Variants in RPL28 observed in about 807,000 individuals in gnomAD.
RPL28 encodes the protein ribosomal protein L28, also known as large ribosomal subunit protein eL28.
Under a neutral mutation model 12.5 loss-of-function variants are expected in RPL28, and 4 were observed. The observed-to-expected ratio is 0.32, with a 90% CI of 0.16 to 0.73. RPL28 has a LOEUF of 0.73. Ranked by LOEUF, RPL28 falls within the 30% of genes least tolerant of loss-of-function variation. RPL28 has a pLI of 0.66. For synonymous variants in RPL28, 91 were observed against 72.5 expected (o/e 1.26, Z -1.30); for missense variants, 214 against 197.7 (o/e 1.08, Z -0.49).
At chr19:55,387,103 C>A in intron 3 of RPL28, 1 of 1,359,458 alleles carries the variant, frequency 7.4e-7, no homozygotes, top group Non-Finnish European at 9.9e-7. Flanking sequence ...TGGTTGCAGC[C>A]ATTTGATTCC....
chr19:55,386,847 C>G, intron 3 of RPL28, 154 bp downstream of exon 3: 2 of 1,562,808 alleles, frequency 1.3e-6, no homozygotes, highest in Non-Finnish European at 1.7e-6. Flanking sequence ...CCCTCTCGGC[C>G]GACTTGTCAG....
Position 55,391,403 on chromosome 19 carries a change from G to C in RPL28, c.*3071G>C. ...GGCAGGTGTCTCAGTGTTCACTGCT[G>C]TCTCTCCAGCTCTTAGTCCAGTAGC... On this transcript the variant is annotated 3_prime_UTR_variant, in exon 5 of 5. Coordinates refer to ENST00000344063, the MANE Select transcript of RPL28 (RefSeq NM_000991.5). The C allele has an allele frequency of 7.8e-7, 1 of 1,286,540 alleles. No homozygotes were observed. The highest frequency in any genetic ancestry group is 1.5e-5 in the African/African-American group (1 of 65,828). The allele number at this position is 1,286,540 out of a possible 1,614,324, so 79.7% of individuals were successfully genotyped here.
chr19:55,391,609 G>A lies in RPL28; in HGVS notation c.*3277G>A. 1 of 1,548,696 alleles carries A rather than the reference G, an allele frequency of 6.5e-7. No individual in the cohort carries two copies. The highest frequency in any genetic ancestry group is 8.7e-7 in the Non-Finnish European group (1 of 1,144,390). Reference sequence around the variant, plus strand: ...TGCTGCTCGGTGGCTGTGCAACCTTGGGCAAGTTCCTCAACCTCTCTGTGT... The same window carrying A: ...TGCTGCTCGGTGGCTGTGCAACCTTAGGCAAGTTCCTCAACCTCTCTGTGT... On this transcript the variant is annotated 3_prime_UTR_variant, in exon 5 of 5. Transcript: ENST00000344063.
chr19:55,387,453 C>T, intron 3 of RPL28: 1 of 1,500,552 alleles, frequency 6.7e-7, no homozygotes, highest in East Asian at 2.5e-5. Context: ...TCTGGGGAGT[C>T]CTGAAAGCTT....
At chr19:55,395,728 C>T (rs945538759), downstream of RPL28, among the ~76,000 whole-genome samples, 2 of 152,100 alleles carry the variant, frequency 1.3e-5, no homozygotes, top group Non-Finnish European at 2.9e-5. Context: ...CAGGCATGAG[C>T]CACCGCGCCC....
chr19:55,394,267 C>A (rs1031358248), downstream of RPL28, among the ~76,000 whole-genome samples: 1 of 151,528 alleles, frequency 6.6e-6, no homozygotes, highest in African/African-American at 2.4e-5. Context: ...GTCTCAAAAA[C>A]AAACAAACAA....
intron 1 of RPL28, 37 bp downstream of exon 1, chr19:55,386,002 G>C (rs1037297582): frequency 3.7e-6 from 1 of 266,880 alleles, no homozygotes; most frequent in Admixed American, 4.7e-5. Context: ...CGCCATCTCC[G>C]GCCCGCCGCG....
At chr19:55,387,024 A>G in intron 3 of RPL28, 2 of 1,441,276 alleles carry the variant, frequency 1.4e-6, no homozygotes, top group Non-Finnish European at 1.8e-6. Flanking sequence ...TTCATCCCAC[A>G]GGTGGGAAGA....
chr19:55,397,076 C>T (rs909921594), downstream of RPL28, among the ~76,000 whole-genome samples: 7 of 152,000 alleles, frequency 4.6e-5, no homozygotes, highest in African/African-American at 7.2e-5. Flanking sequence ...GACAGGGTTT[C>T]GCCATGTTGC....
At chr19:55,392,492 C>T (rs1192333261), downstream of RPL28, among the ~76,000 whole-genome samples, 2 of 151,754 alleles carry the variant, frequency 1.3e-5, no homozygotes, top group South Asian at 2.1e-4. Context: ...CTTCGTCCCC[C>T]AAAGTGTTGG....
Position 55,387,985 on chromosome 19 carries a change from C to T in RPL28, c.261C>T (p.Arg87=), listed in dbSNP as rs779599652. ...YVRTTINKNA[R]ATLSSIRHMI... Reference sequence around the variant, plus strand: ...GGACCACCATCAACAAGAATGCTCGCGCCACGCTCAGCAGCATCAGACACA... The same window carrying T: ...GGACCACCATCAACAAGAATGCTCGTGCCACGCTCAGCAGCATCAGACACA... The change falls in exon 4 of 5, where the codon CGC becomes CGT. Residue 87 remains arginine (R), a synonymous_variant. Coordinates refer to ENST00000344063, the MANE Select transcript of RPL28 (RefSeq NM_000991.5). 1.5e-5 allele frequency: 24 copies of T among 1,610,310 alleles called. No individual in the cohort carries two copies. In the East Asian group the frequency reaches 2.7e-4, roughly 18 times the overall value.
Position 55,390,818 on chromosome 19 carries a change from GTT to G in RPL28, c.*2488_*2489del. ...AGGGAGATGGTCTCAGCCCCACAGA[GTT>G]TGGAGTCCTCAGTGTGCTGAGCAAA... On this transcript the variant is annotated 3_prime_UTR_variant, in exon 5 of 5. Coordinates refer to ENST00000344063, the MANE Select transcript of RPL28 (RefSeq NM_000991.5). The G allele has an allele frequency of 2.0e-6, 2 of 985,466 alleles. No homozygotes were observed. The highest frequency in any genetic ancestry group is 2.4e-6 in the Non-Finnish European group (2 of 829,936). 61.0% of individuals were successfully genotyped at this position (985,466 alleles called of 1,614,324 possible). A position where few individuals can be genotyped will look rare whatever the true frequency, so the allele number is the denominator to read the frequency against.
intron 1 of RPL28, 74 bp from the exon 2 acceptor site, chr19:55,386,276 C>G: frequency 1.4e-6 from 2 of 1,401,662 alleles, no homozygotes; most frequent in Non-Finnish European, 2.0e-6. Flanking sequence ...CTCTGCTGTC[C>G]GAGCGTGGCC....
rs754057692 is a variant in RPL28, at chr19:55,388,031, C to T, written c.307C>T (p.Arg103Cys). ...IRHMIRKNKYRPDLRMAAIRR... is the reference protein window; with the variant it reads ...IRHMIRKNKYCPDLRMAAIRR... ...ACACATGATCCGCAAGAACAAGTAC[C>T]GCCCCGACCTGCGCATGGTGAGCTG... is the stretch of plus-strand genomic sequence containing the variant. The change falls in exon 4 of 5, where the codon CGC becomes TGC. Residue 103 changes from arginine to cysteine, a missense_variant. Transcript: ENST00000344063. 51 of 1,613,696 alleles carry T rather than the reference C, an allele frequency of 3.2e-5. No homozygotes were observed. The highest frequency in any genetic ancestry group is 1.6e-4 in the South Asian group (15 of 91,064).
At chr19:55,399,783 T>G (rs1483258789) in intron 4 of RPL28, 1 of 152,228 alleles carries the variant, frequency 6.6e-6, no homozygotes, top group Non-Finnish European at 1.5e-5. Context: ...CTTCGCTAAA[T>G]TATTTCAGTG....
rs756420309 is a variant in RPL28, at chr19:55,391,861, C to G, written c.*3529C>G. 1 of 1,388,000 alleles carries G rather than the reference C, an allele frequency of 7.2e-7. No individual in the cohort carries two copies. The highest frequency in any genetic ancestry group is 1.5e-5 in the African/African-American group (1 of 68,434). 86.0% of individuals were successfully genotyped at this position (1,388,000 alleles called of 1,614,324 possible). On this transcript the variant is annotated 3_prime_UTR_variant, in exon 5 of 5. Coordinates refer to ENST00000344063, the MANE Select transcript of RPL28 (RefSeq NM_000991.5). ...ACTAATGCTCGTGTTTCCCAAGCAC[C>G]TGGAAGACATGCCAGATCCATGTGC...
Position 55,388,593 on chromosome 19 carries a change from C to T in RPL28, c.*261C>T, listed in dbSNP as rs1220373329. The T allele has an allele frequency of 7.2e-6, 9 of 1,241,622 alleles. No homozygotes were observed. Among genetic ancestry groups the T allele is most frequent in the South Asian group, 7.0e-5 (2 of 28,632 alleles). The allele number at this position is 1,241,622 out of a possible 1,614,324, so 76.9% of individuals were successfully genotyped here. On this transcript the variant is annotated 3_prime_UTR_variant, in exon 5 of 5. Coordinates refer to ENST00000344063, the MANE Select transcript of RPL28 (RefSeq NM_000991.5). ...AAAGTTTGCTGACTTGTGATTGAGA[C>T]CTACTGTCCCATTGTGAGGTGGCCT...
Position 55,390,255 on chromosome 19 carries a change from A to T in RPL28, c.*1923A>T, listed in dbSNP as rs1463011728. On this transcript the variant is annotated 3_prime_UTR_variant, in exon 5 of 5. Coordinates refer to ENST00000344063, the MANE Select transcript of RPL28 (RefSeq NM_000991.5). ...TCTCGCTCTGTTGCCCAGGCTGGCG[A>T]GTGCAATGGCGCGATCTTGGCTCAC... 4 of 961,804 alleles carry T rather than the reference A, an allele frequency of 4.2e-6. No homozygotes were observed. Among genetic ancestry groups the T allele is most frequent in the Non-Finnish European group, 4.9e-6 (4 of 808,728 alleles). 59.6% of individuals were successfully genotyped at this position (961,804 alleles called of 1,614,324 possible). A position where few individuals can be genotyped will look rare whatever the true frequency, so the allele number is the denominator to read the frequency against.
chr19:55,388,208 A>G (rs977299354), intron 4 of RPL28, 35 bp from the exon 5 acceptor site: 8 of 1,515,742 alleles, frequency 5.3e-6, no homozygotes, highest in Non-Finnish European at 6.2e-6. Context: ...TGTGGAGTGT[A>G]TGGGCTGAGC....
Sources: gnomAD v4.1 joint callset for allele counts (sites outside exome capture counted in the v4.1 genomes callset) on GRCh38, gnomAD v4.1.1 for gene constraint, MANE v1.5 for transcripts, NCBI Gene and HGNC (gene_info 2026-07-23, HGNC 2026-07-21) for gene names.